Variants in DIP2C observed in about 807,000 individuals in gnomAD.
DIP2C encodes DIP2 acetate--CoA ligase C (putative).
DIP2C carries 33 observed loss-of-function variants against 192.4 expected under a neutral mutation model. That is an observed-to-expected ratio of 0.17 (90% CI 0.13 to 0.23). The LOEUF (loss-of-function observed/expected upper bound fraction) is 0.23, where lower values mean the gene tolerates loss of function less well. Ranked by LOEUF, DIP2C falls within the 10% of genes least tolerant of loss-of-function variation. DIP2C has a pLI of 1.00. For missense variants in DIP2C, 1,537 were observed against 2,110.1 expected (o/e 0.73, Z 5.32); for synonymous variants, 979 against 864.1 (o/e 1.13, Z -2.33).
At chr10:563,378 T>TA (rs2131478075) in intron 1 of DIP2C, among the ~76,000 whole-genome samples, 1 of 152,218 alleles carries the variant, frequency 6.6e-6, no homozygotes, top group East Asian at 1.9e-4. Flanking sequence ...AAAAACCTCC[T>TA]AACAGCAGTT....
intron 3 of DIP2C, among the ~76,000 whole-genome samples, chr10:461,906 T>C (rs150953961): frequency 6.6e-6 from 1 of 152,156 alleles, no homozygotes. Flanking sequence ...ACATGGAAAC[T>C]GAACAACCTG....
chr10:411,545 G>A (rs543750191), intron 8 of DIP2C, among the ~76,000 whole-genome samples: 4 of 152,260 alleles, frequency 2.6e-5, no homozygotes, highest in South Asian at 2.1e-4. Context: ...GAGGGGAAAC[G>A]GCAGGACTTT....
chr10:374,194 T>C (rs1326962338), intron 17 of DIP2C, among the ~76,000 whole-genome samples: 1 of 152,242 alleles, frequency 6.6e-6, no homozygotes, highest in Non-Finnish European at 1.5e-5. Flanking sequence ...TATAAGATCA[T>C]ATATTTTCTT....
rs374378960 is a variant in DIP2C, at chr10:451,669, G to A, written c.269-10673C>T. 2.0e-5 allele frequency among the ~76,000 whole-genome samples: 3 copies of A among 152,258 alleles called. No individual in the cohort carries two copies. In the South Asian group the frequency reaches 6.2e-4, roughly 32 times the overall value. ...CAGGATGACAAGATGACAACGTATTGTTTTTTGTTCATTCTCTTCAACATT... is the reference window on the plus strand; with the variant it reads ...CAGGATGACAAGATGACAACGTATTATTTTTTGTTCATTCTCTTCAACATT... On this transcript the variant is annotated intron_variant, in intron 3 of 36. Coordinates refer to ENST00000280886, the MANE Select transcript of DIP2C (RefSeq NM_014974.3).
At chr10:524,473 T>C (rs1846927814) in intron 1 of DIP2C, among the ~76,000 whole-genome samples, 1 of 152,180 alleles carries the variant, frequency 6.6e-6, no homozygotes, top group African/African-American at 2.4e-5. Context: ...ATGCTTATTT[T>C]CCTCTACTTT....
intron 1 of DIP2C, among the ~76,000 whole-genome samples, chr10:638,532 T>C (rs1854959779): frequency 1.3e-5 from 2 of 152,188 alleles, no homozygotes; most frequent in Admixed American, 1.3e-4. Context: ...ATTTAAATTC[T>C]CGAAGCACCG....
intron 1 of DIP2C, among the ~76,000 whole-genome samples, chr10:503,042 C>T (rs990567830): frequency 4.6e-5 from 7 of 151,194 alleles, no homozygotes; most frequent in Non-Finnish European, 5.9e-5. Flanking sequence ...CACTAACCTG[C>T]GGACTTACCA....
intron 10 of DIP2C, among the ~76,000 whole-genome samples, chr10:394,066 G>A (rs967834771): frequency 6.6e-6 from 1 of 152,184 alleles, no homozygotes; most frequent in Admixed American, 6.5e-5. Context: ...CTGGGTATTG[G>A]GCCAAAGGAA....
chr10:603,337 A>G (rs1002678267), intron 1 of DIP2C, among the ~76,000 whole-genome samples: 2 of 142,038 alleles, frequency 1.4e-5, no homozygotes, highest in African/African-American at 5.3e-5. Context: ...AAAAAAACCA[A>G]CCATGAGATT....
At chr10:334,377 T>G (rs1377843575) in intron 29 of DIP2C, among the ~76,000 whole-genome samples, 1 of 151,462 alleles carries the variant, frequency 6.6e-6, no homozygotes, top group African/African-American at 2.4e-5. Flanking sequence ...ATTTATAATT[T>G]GCAAATATTT....
At chr10:524,278 CTG>C (rs991406639) in intron 1 of DIP2C, among the ~76,000 whole-genome samples, 4 of 152,332 alleles carry the variant, frequency 2.6e-5, no homozygotes, top group Admixed American at 1.3e-4. Context: ...CTGGTACAGA[CTG>C]TGTGAGGCCT....
rs749173027 is a variant in DIP2C, at chr10:310,017, G to C, written c.3986+14C>G. 41 of 1,613,618 alleles carry C rather than the reference G, an allele frequency of 2.5e-5. No homozygotes were observed. Among genetic ancestry groups the C allele is most frequent in the African/African-American group, 5.3e-5 (4 of 74,872 alleles). On this transcript the variant is annotated intron_variant, in intron 32 of 36. Coordinates refer to ENST00000280886, the MANE Select transcript of DIP2C (RefSeq NM_014974.3). ...AAAAAGGAAAAAAAGAAAAAACCCA[G>C]AAGTGTACAGTACCTGTCGTGTCTC...
intron 1 of DIP2C, among the ~76,000 whole-genome samples, chr10:562,210 AACAC>A (rs1398617464): frequency 6.6e-6 from 1 of 152,238 alleles, no homozygotes; most frequent in African/African-American, 2.4e-5. Flanking sequence ...TCTGATGTTT[AACAC>A]ACACAGAGGA....
intron 4 of DIP2C, among the ~76,000 whole-genome samples, chr10:423,349 C>G (rs1056942872): frequency 6.6e-6 from 1 of 152,218 alleles, no homozygotes; most frequent in Non-Finnish European, 1.5e-5. Flanking sequence ...GTGTCACCCA[C>G]AAAGTGAGAG....
At chr10:688,617 G>C (rs762569672) in intron 1 of DIP2C, among the ~76,000 whole-genome samples, 59 of 138,356 alleles carry the variant, frequency 4.3e-4, no homozygotes, top group Non-Finnish European at 2.3e-4. Context: ...GCCCAGAGAC[G>C]GCTAAATGCA....
intron 1 of DIP2C, among the ~76,000 whole-genome samples, chr10:539,813 AAC>A (rs1323778673): frequency 6.6e-5 from 10 of 152,350 alleles, no homozygotes; most frequent in South Asian, 6.2e-4. Context: ...AAAGTGAAAT[AAC>A]AGTTTTCAAA....
intron 31 of DIP2C, among the ~76,000 whole-genome samples, chr10:310,443 G>T (rs1303055275): frequency 2.0e-5 from 3 of 152,256 alleles, no homozygotes; most frequent in Non-Finnish European, 4.4e-5. Context: ...CATCTGTGCG[G>T]AGAAATTTTT....
chr10:662,657 T>G, intron 1 of DIP2C: 2 of 568,356 alleles, frequency 3.5e-6, no homozygotes, highest in Admixed American at 3.1e-5. Context: ...GAATTTTTTT[T>G]TCTTTTTCAT....
intron 6 of DIP2C, among the ~76,000 whole-genome samples, chr10:418,401 C>T (rs1965949466): frequency 6.6e-6 from 1 of 151,262 alleles, no homozygotes; most frequent in Non-Finnish European, 1.5e-5. Context: ...CATACCAAGG[C>T]TGCTCCATGC....
Sources: allele counts gnomAD v4.1 joint callset (sites outside exome capture counted in the v4.1 genomes callset), GRCh38; gene constraint gnomAD v4.1.1; transcripts MANE v1.5; gene names NCBI Gene and HGNC (gene_info 2026-07-23, HGNC 2026-07-21).